The following SLC8A3 variants were observed in gnomAD, a reference collection of about 807,000 sequenced individuals.
SLC8A3 encodes the protein sodium/calcium exchanger 3.
A neutral mutation model predicts 65.4 loss-of-function variants in SLC8A3; 37 were observed. That is an observed-to-expected ratio of 0.57 (90% CI 0.44 to 0.74). The LOEUF (loss-of-function observed/expected upper bound fraction) is 0.74. Ranked by LOEUF, SLC8A3 falls within the 30% of genes least tolerant of loss-of-function variation. SLC8A3 has a pLI of 0.00. For synonymous variants in SLC8A3, 461 were observed against 444.5 expected (o/e 1.04, Z -0.47); for missense variants, 1,112 against 1,172.1 (o/e 0.95, Z 0.75).
At chr14:70,175,935 A>G (rs2140413519) in intron 1 of SLC8A3, among the ~76,000 whole-genome samples, 1 of 152,138 alleles carries the variant, frequency 6.6e-6, no homozygotes, top group Middle Eastern at 3.4e-3. Context: ...TGATTTCACC[A>G]TGTTAGCCAG....
intron 2 of SLC8A3, among the ~76,000 whole-genome samples, chr14:70,098,718 G>A (rs112724304): frequency 4.6e-5 from 7 of 152,174 alleles, no homozygotes; most frequent in African/African-American, 1.7e-4. Context: ...CTTCTGCCAG[G>A]CTAAAGACAA....
intron 1 of SLC8A3, among the ~76,000 whole-genome samples, chr14:70,181,120 T>C (rs780791249): frequency 2.0e-5 from 3 of 152,104 alleles, no homozygotes; most frequent in Non-Finnish European, 4.4e-5. Flanking sequence ...CACAAACTCT[T>C]TTGATGGATA....
chr14:70,159,010 GCT>G (rs1896732714), intron 2 of SLC8A3, among the ~76,000 whole-genome samples: 1 of 152,212 alleles, frequency 6.6e-6, no homozygotes, highest in African/African-American at 2.4e-5. Flanking sequence ...AGATCAAGGA[GCT>G]CTCTTTCTTC....
Position 70,046,208 on chromosome 14 carries a change from G to C in SLC8A3, c.2505C>G (p.Ser835=). 25 of 1,614,208 alleles carry C rather than the reference G, an allele frequency of 1.5e-5. No individual in the cohort carries two copies. Among genetic ancestry groups the C allele is most frequent in the Non-Finnish European group, 2.1e-5 (25 of 1,180,038 alleles). Reference sequence around the variant, plus strand: ...GCAGAGCCCAGTAGATGGCGGCCACGGACCAGGCCAGGCCGATGCCCAGGA... The same window carrying C: ...GCAGAGCCCAGTAGATGGCGGCCACCGACCAGGCCAGGCCGATGCCCAGGA... ...NVFLGIGLAW[S]VAAIYWALQG... Residue 835 remains serine (S), a synonymous_variant, in exon 7 of 7, where the codon TCC becomes TCG. Coordinates refer to ENST00000356921, the MANE Select transcript of SLC8A3 (RefSeq NM_182932.3). The surrounding 1 kb of genome is among the most constrained non-coding windows in gnomAD (Gnocchi z 4.2).
intron 2 of SLC8A3, among the ~76,000 whole-genome samples, chr14:70,130,415 C>T (rs1039965597): frequency 2.6e-4 from 39 of 152,150 alleles, no homozygotes; most frequent in Non-Finnish European, 2.9e-4. Flanking sequence ...CGTGTGTGTG[C>T]ACATGTGAGC....
chr14:70,110,878 T>C (rs1310540371), intron 2 of SLC8A3, among the ~76,000 whole-genome samples: 1 of 151,824 alleles, frequency 6.6e-6, no homozygotes, highest in East Asian at 1.9e-4. Flanking sequence ...GACGGGGTTT[T>C]ACCGTGTTAG....
At chr14:70,085,245 A>G (rs1236958061) in intron 2 of SLC8A3, among the ~76,000 whole-genome samples, 1 of 151,776 alleles carries the variant, frequency 6.6e-6, no homozygotes, top group East Asian at 1.9e-4. Context: ...TTAGCACCCC[A>G]TTTTTCATGC....
intron 2 of SLC8A3, among the ~76,000 whole-genome samples, chr14:70,116,980 G>A (rs79635537): frequency 0.023 from 3,528 of 152,306 alleles, 66 homozygotes; most frequent in South Asian, 0.058. Flanking sequence ...GCTTTTCCTA[G>A]CAGAAAACTG....
chr14:70,076,122 T>C (rs1010148827), intron 2 of SLC8A3, among the ~76,000 whole-genome samples: 1 of 152,202 alleles, frequency 6.6e-6, no homozygotes, highest in African/African-American at 2.4e-5. Flanking sequence ...TTTTCTCAAA[T>C]ATCTTGTCCT....
Position 70,052,058 on chromosome 14 carries a change from T to C in SLC8A3, c.1945A>G (p.Met649Val). 2 of 1,612,904 alleles carry C rather than the reference T, an allele frequency of 1.2e-6. No homozygotes were observed. Among genetic ancestry groups the C allele is most frequent in the Non-Finnish European group, 1.7e-6 (2 of 1,179,668 alleles). Residue 649 changes from methionine (M) to valine (V), a missense_variant, in exon 4 of 7, where the codon ATG becomes GTG. Transcript: ENST00000356921. Reference protein sequence around the residue: ...EEEEAKRIAEMGKPVLGEHPK... With the variant: ...EEEEAKRIAEVGKPVLGEHPK... ...TGTTCACCCAATACTGGCTTTCCCA[T>C]CTCTGCTATCCTCTTGGCCTCCTCT...
intron 2 of SLC8A3, among the ~76,000 whole-genome samples, chr14:70,137,820 C>T (rs1410765369): frequency 7.1e-6 from 1 of 139,992 alleles, no homozygotes; most frequent in Non-Finnish European, 1.5e-5. Context: ...TGGAAATCTC[C>T]CAGCACCTTG....
At chr14:70,144,330 TTAAA>T (rs1566809175) in intron 2 of SLC8A3, among the ~76,000 whole-genome samples, 5 of 87,300 alleles carry the variant, frequency 5.7e-5, no homozygotes, top group African/African-American at 1.8e-4. Context: ...TTTTTTTTTT[TTAAA>T]AAAAAAAAAA....
chr14:70,176,349 G>C (rs929222774), intron 1 of SLC8A3, among the ~76,000 whole-genome samples: 1 of 152,198 alleles, frequency 6.6e-6, no homozygotes, highest in Non-Finnish European at 1.5e-5. Context: ...TCTAGAGATG[G>C]CTGTACATCT....
rs74063890 is a variant in SLC8A3, at chr14:70,143,300, C to T, written c.1784+23339G>A. On this transcript the variant is annotated intron_variant, in intron 2 of 6. Coordinates refer to ENST00000356921, the MANE Select transcript of SLC8A3 (RefSeq NM_182932.3). ...CCTGTGAGGAGGTACTATCATTGCCCACATTTTACAAATTAAGGATTTGTA... is the reference window on the plus strand; with the variant it reads ...CCTGTGAGGAGGTACTATCATTGCCTACATTTTACAAATTAAGGATTTGTA... 5.1e-3 allele frequency among the ~76,000 whole-genome samples: 780 copies of T among 152,278 alleles called. 10 individuals are homozygous for T. Among genetic ancestry groups the T allele is most frequent in the African/African-American group, 0.017 (709 of 41,550 alleles).
chr14:70,153,129 C>G (rs1158889844), intron 2 of SLC8A3, among the ~76,000 whole-genome samples: 1 of 152,138 alleles, frequency 6.6e-6, no homozygotes, highest in Non-Finnish European at 1.5e-5. Flanking sequence ...GCTCCCTGGT[C>G]CTTACACCTG....
intron 2 of SLC8A3, among the ~76,000 whole-genome samples, chr14:70,104,183 C>T (rs555747509): frequency 5.2e-4 from 79 of 152,110 alleles, no homozygotes; most frequent in African/African-American, 1.8e-3. Context: ...ACAATCATAG[C>T]TGTAGGTTGT....
intron 2 of SLC8A3, among the ~76,000 whole-genome samples, chr14:70,080,524 C>A (rs1176353117): frequency 6.6e-6 from 1 of 152,196 alleles, no homozygotes; most frequent in Admixed American, 6.5e-5. Context: ...CTCCAGGAAC[C>A]TTCCTTAAGT....
chr14:70,088,016 G>T (rs1187193982), intron 2 of SLC8A3, among the ~76,000 whole-genome samples: 1 of 152,166 alleles, frequency 6.6e-6, no homozygotes, highest in Non-Finnish European at 1.5e-5. Context: ...AATGGAGAGA[G>T]TATTCACTTG....
intron 2 of SLC8A3, among the ~76,000 whole-genome samples, chr14:70,111,570 C>G (rs1164774995): frequency 6.6e-6 from 1 of 152,112 alleles, no homozygotes; most frequent in African/African-American, 2.4e-5. Context: ...ATAATCATTA[C>G]AAGAGGCAGA....
Sources: allele counts gnomAD v4.1 joint callset (sites outside exome capture counted in the v4.1 genomes callset), GRCh38; gene constraint gnomAD v4.1.1; non-coding constraint Gnocchi (gnomAD v3.1); transcripts MANE v1.5; gene names NCBI Gene and HGNC (gene_info 2026-07-23, HGNC 2026-07-21).